LPCAT1: variants seen among roughly 807,000 people sequenced by gnomAD.
LPCAT1 encodes the protein lysophosphatidylcholine acyltransferase 1.
In LPCAT1, 23 loss-of-function variants were observed where a neutral mutation model predicts 60.9. That is an observed-to-expected ratio of 0.38 (90% CI 0.27 to 0.53). LPCAT1 has a LOEUF of 0.53. LPCAT1 is among the 20% of genes least tolerant of loss of function. The pLI, the probability that LPCAT1 is intolerant of heterozygous loss-of-function variation, is 0.82. For synonymous variants in LPCAT1, 340 were observed against 301.1 expected (o/e 1.13, Z -1.34); for missense variants, 622 against 723.6 (o/e 0.86, Z 1.61).
At chr5:1,507,123 G>A (rs1332800816) in intron 1 of LPCAT1, among the ~76,000 whole-genome samples, 1 of 152,182 alleles carries the variant, frequency 6.6e-6, no homozygotes, top group African/African-American at 2.4e-5. Context: ...GGGACTCAGA[G>A]AGGAGAACAC....
chr5:1,507,509 C>T (rs1401305684), intron 1 of LPCAT1, among the ~76,000 whole-genome samples: 1 of 152,248 alleles, frequency 6.6e-6, no homozygotes, highest in Non-Finnish European at 1.5e-5. Context: ...AATACCACTT[C>T]CCAGCAGAAG....
chr5:1,466,749 C>T lies in LPCAT1; in HGVS notation c.1420G>A (p.Ala474Thr), dbSNP rs767227485. The change falls in exon 13 of 14, where the codon GCT (alanine) becomes ACT (threonine). Residue 474 changes from alanine (A) to threonine (T), a missense_variant and splice_region_variant. Coordinates refer to ENST00000283415, the MANE Select transcript of LPCAT1 (RefSeq NM_024830.5). ...GACGACCCCACTCCTGCGGGCTCAC[C>T]GAATGTGATCTTCCCCTTCTCCTCT... ...DQEEKGKITF[A>T]DFHRFAEMYP... 3.1e-6 allele frequency: 5 copies of T among 1,611,170 alleles called. No homozygotes were observed. Among genetic ancestry groups the T allele is most frequent in the South Asian group, 2.2e-5 (2 of 90,740 alleles).
intron 9 of LPCAT1, among the ~76,000 whole-genome samples, chr5:1,475,418 C>T (rs916853803): frequency 1.1e-4 from 16 of 152,312 alleles, no homozygotes; most frequent in East Asian, 1.9e-4. Flanking sequence ...CACCCACCTC[C>T]GCCAGCCACA....
Position 1,484,949 on chromosome 5 carries a change from C to T in LPCAT1, c.668-1463G>A, listed in dbSNP as rs57338494. 3.3e-3 allele frequency among the ~76,000 whole-genome samples: 501 copies of T among 152,300 alleles called. 4 individuals are homozygous for T. The highest frequency in any genetic ancestry group is 0.011 in the African/African-American group (454 of 41,558). ...TGGCTGTGTCAGGGGAGGCGGAGGA[C>T]GGCAGGGCTGGCACAGACCCAGGCT... On this transcript the variant is annotated intron_variant, in intron 5 of 13. Transcript: ENST00000283415.
Position 1,502,425 on chromosome 5 carries a change from C to G in LPCAT1, c.136-822G>C, listed in dbSNP as rs115895228. Reference sequence around the variant, plus strand: ...GTTGGACCTCAGACCACAGAGAAGACGGCAGAATGAAGGTGTGACTTTCCA... The same window carrying G: ...GTTGGACCTCAGACCACAGAGAAGAGGGCAGAATGAAGGTGTGACTTTCCA... On this transcript the variant is annotated intron_variant, in intron 1 of 13. Transcript: ENST00000283415. The surrounding 1 kb of genome is among the most constrained non-coding windows in gnomAD (Gnocchi z 5.5). Among the ~76,000 whole-genome samples the G allele has an allele frequency of 2.6e-5, 4 of 152,110 alleles. No homozygotes were observed. Among genetic ancestry groups the G allele is most frequent in the Non-Finnish European group, 5.9e-5 (4 of 68,014 alleles).
rs1560960205 is a variant in LPCAT1 at position 1,477,896 on chromosome 5, C to G, written c.817-410G>C. Among the ~76,000 whole-genome samples, 1 of 109,858 alleles carries G rather than the reference C, an allele frequency of 9.1e-6. No individual in the cohort carries two copies. The highest frequency in any genetic ancestry group is 1.9e-5 in the Non-Finnish European group (1 of 52,400). The allele number at this position is 109,858 out of a possible 152,430, so 72.1% of individuals were successfully genotyped here. A position where few individuals can be genotyped will look rare whatever the true frequency, so the allele number is the denominator to read the frequency against. On this transcript the variant is annotated intron_variant, in intron 8 of 13. Coordinates refer to ENST00000283415, the MANE Select transcript of LPCAT1 (RefSeq NM_024830.5). This position sits in a 1 kb window ranked among gnomAD's most constrained non-coding sequence, Gnocchi z 6.0. ...AACATCTGGCTCTCTGATCTACACT[C>G]ACCCCCGTCAGTGCTCCTGGGAGCG...
rs1736690810 is a variant in LPCAT1 at position 1,521,975 on chromosome 5, G to A, written c.135+1735C>T. Among the ~76,000 whole-genome samples, 1 of 152,234 alleles carries A rather than the reference G, an allele frequency of 6.6e-6. No homozygotes were observed. The highest frequency in any genetic ancestry group is 1.9e-4 in the East Asian group (1 of 5,200). Reference sequence around the variant, plus strand: ...ACAGAACACACCTCAACCGGGGGCTGCAACTATGACAGGGATGACGAAGTG... The same window carrying A: ...ACAGAACACACCTCAACCGGGGGCTACAACTATGACAGGGATGACGAAGTG... On this transcript the variant is annotated intron_variant, in intron 1 of 13. Transcript: ENST00000283415. This position sits in a 1 kb window ranked among gnomAD's most constrained non-coding sequence, Gnocchi z 4.3.
intron 1 of LPCAT1, among the ~76,000 whole-genome samples, chr5:1,507,147 G>C (rs562158570): frequency 6.6e-6 from 1 of 152,282 alleles, no homozygotes; most frequent in Non-Finnish European, 1.5e-5. Flanking sequence ...CCACGCTCCT[G>C]GTCACCATAG....
intron 1 of LPCAT1, among the ~76,000 whole-genome samples, chr5:1,510,511 A>C (rs1736324334): frequency 6.6e-6 from 1 of 151,866 alleles, no homozygotes; most frequent in African/African-American, 2.4e-5. Flanking sequence ...CTCCTAGACC[A>C]CTCCATTTAC....
In LPCAT1 at chr5:1,467,899, T is replaced by C. The variant is rs531594795; in HGVS notation, c.1279-1009A>G. On this transcript the variant is annotated intron_variant, in intron 12 of 13. Coordinates refer to ENST00000283415, the MANE Select transcript of LPCAT1 (RefSeq NM_024830.5). Reference sequence around the variant, plus strand: ...CCCTCTCTCTGCCTGGGGTCCACGGTTCCTGGGGCTCCGACGGGGCCGTCG... The same window carrying C: ...CCCTCTCTCTGCCTGGGGTCCACGGCTCCTGGGGCTCCGACGGGGCCGTCG... Among the ~76,000 whole-genome samples, 252 of 152,142 alleles carry C rather than the reference T, an allele frequency of 1.7e-3. 2 individuals are homozygous for C. In the South Asian group the frequency reaches 0.027, roughly 17 times the overall value.
rs1257053337 is a variant in LPCAT1 at position 1,521,025 on chromosome 5, G to C, written c.135+2685C>G. ...CATGACTCCAAAACGATATATGAAT[G>C]TGTGACTATGAAGAACCTCAGCTGA... On this transcript the variant is annotated intron_variant, in intron 1 of 13. Coordinates refer to ENST00000283415, the MANE Select transcript of LPCAT1 (RefSeq NM_024830.5). This position sits in a 1 kb window ranked among gnomAD's most constrained non-coding sequence, Gnocchi z 4.3. Among the ~76,000 whole-genome samples the C allele has an allele frequency of 1.3e-5, 2 of 152,180 alleles. No homozygotes were observed. The highest frequency in any genetic ancestry group is 2.9e-5 in the Non-Finnish European group (2 of 68,014).
chr5:1,464,783 C>CAT (rs60486687), intron 13 of LPCAT1, among the ~76,000 whole-genome samples: 144,525 of 147,596 alleles, frequency 0.98, 70,772 homozygotes, highest in East Asian at 0.99. Context: ...ACCAAACACA[C>CAT]GTGCGCGCAC....
At chr5:1,514,585 A>G (rs918447641) in intron 1 of LPCAT1, among the ~76,000 whole-genome samples, 46 of 152,142 alleles carry the variant, frequency 3.0e-4, no homozygotes, top group Admixed American at 3.0e-3. Flanking sequence ...CATTCTGCAC[A>G]TTTTAATTCC....
intron 11 of LPCAT1, among the ~76,000 whole-genome samples, chr5:1,472,453 G>A (rs148217478): frequency 1.5e-5 from 2 of 135,292 alleles, no homozygotes; most frequent in East Asian, 5.0e-4. Context: ...GTGTCTGGCA[G>A]GTGGAAATGA....
At chr5:1,501,818 G>A (rs976699997) in intron 1 of LPCAT1, among the ~76,000 whole-genome samples, 1 of 152,046 alleles carries the variant, frequency 6.6e-6, no homozygotes, top group African/African-American at 2.4e-5. Flanking sequence ...CGCTGACCAA[G>A]GCTAACCAAC....
In LPCAT1 at chr5:1,480,225, T is replaced by A; in HGVS notation, c.762-550A>T. 9.3e-5 allele frequency: 35 copies of A among 374,772 alleles called. No individual in the cohort carries two copies. Among genetic ancestry groups the A allele is most frequent in the Non-Finnish European group, 1.2e-4 (33 of 274,960 alleles). The allele number at this position is 374,772 out of a possible 1,614,324, so 23.2% of individuals were successfully genotyped here. A position where few individuals can be genotyped will look rare whatever the true frequency, so the allele number is the denominator to read the frequency against. On this transcript the variant is annotated intron_variant, in intron 7 of 13. Transcript: ENST00000283415. This position sits in a 1 kb window ranked among gnomAD's most constrained non-coding sequence, Gnocchi z 6.4. ...GGCCCCCGGGACCCCAGAACCCCTA[T>A]ACCCCCCAGAGCCCCCTCCCAGCTC...
At chr5:1,509,398 G>GT (rs1736286569) in intron 1 of LPCAT1, among the ~76,000 whole-genome samples, 1 of 152,220 alleles carries the variant, frequency 6.6e-6, no homozygotes. Flanking sequence ...TCCTCCCACG[G>GT]TGAGAGGGCG....
At chr5:1,493,322 G>A (rs953750024) in intron 3 of LPCAT1, among the ~76,000 whole-genome samples, 2 of 152,242 alleles carry the variant, frequency 1.3e-5, no homozygotes, top group African/African-American at 4.8e-5. Context: ...GGCCATGCCA[G>A]GGTTCCTCAC....
At chr5:1,513,161 T>A (rs1178446926) in intron 1 of LPCAT1, among the ~76,000 whole-genome samples, 1 of 152,144 alleles carries the variant, frequency 6.6e-6, no homozygotes, top group African/African-American at 2.4e-5. Context: ...GCTCCTCCGG[T>A]CCCCAGGCTG....
Sources: allele counts gnomAD v4.1 joint callset (sites outside exome capture counted in the v4.1 genomes callset), GRCh38; gene constraint gnomAD v4.1.1; non-coding constraint Gnocchi (gnomAD v3.1); transcripts MANE v1.5; gene names NCBI Gene and HGNC (gene_info 2026-07-23, HGNC 2026-07-21).